The following SLC9A9 variants were observed in gnomAD, a reference collection of about 807,000 sequenced individuals.
SLC9A9 encodes the protein sodium/hydrogen exchanger 9.
SLC9A9 carries 62 observed loss-of-function variants against 77.8 expected under a neutral mutation model. That is an observed-to-expected ratio of 0.80 (90% confidence interval 0.65 to 0.98). SLC9A9 has a LOEUF of 0.98. Among genes scored for constraint, SLC9A9 ranks in the 50% least tolerant of loss-of-function variants. The pLI, the probability that SLC9A9 is intolerant of heterozygous loss-of-function variation, is 0.00. For missense variants in SLC9A9, 775 were observed against 774.9 expected, an observed-to-expected ratio of 1.00 and a Z score of 0.00; for synonymous variants, 320 against 283.5, an observed-to-expected ratio of 1.13 and a Z score of -1.29.
chr3:143,620,806 G>A (rs375786697), intron 6 of SLC9A9, among the ~76,000 whole-genome samples: 3 of 152,320 alleles, frequency 2.0e-5, no homozygotes, highest in South Asian at 4.1e-4. Context: ...GTGAGCTGAA[G>A]CAGGGCGAGG....
At chr3:143,307,645 T>G (rs1161370044) in intron 14 of SLC9A9, among the ~76,000 whole-genome samples, 1 of 152,218 alleles carries the variant, frequency 6.6e-6, no homozygotes, top group Non-Finnish European at 1.5e-5. Flanking sequence ...CTGCAGCCTT[T>G]CTGTTCCCAG....
At chr3:143,786,310 T>A (rs1365268751) in intron 4 of SLC9A9, among the ~76,000 whole-genome samples, 1 of 152,238 alleles carries the variant, frequency 6.6e-6, no homozygotes, top group Non-Finnish European at 1.5e-5. Flanking sequence ...TTTTCTTTTT[T>A]ACCACAACAA....
At chr3:143,839,858 A>C (rs2009663429) in intron 1 of SLC9A9, among the ~76,000 whole-genome samples, 1 of 152,120 alleles carries the variant, frequency 6.6e-6, no homozygotes, top group Non-Finnish European at 1.5e-5. Flanking sequence ...AACACACTTT[A>C]TTTTTTTCTC....
intron 2 of SLC9A9, among the ~76,000 whole-genome samples, chr3:143,813,014 G>A (rs1576745529): frequency 6.6e-6 from 1 of 151,978 alleles, no homozygotes; most frequent in Non-Finnish European, 1.5e-5. Context: ...GTTGCTTTGG[G>A]GAAGACAGGG....
intron 2 of SLC9A9, among the ~76,000 whole-genome samples, chr3:143,821,930 G>A (rs1046454536): frequency 6.6e-6 from 1 of 152,206 alleles, no homozygotes; most frequent in African/African-American, 2.4e-5. Flanking sequence ...GCACTGTGCT[G>A]TGCCACTCTG....
At chr3:143,484,570 G>A (rs2035627335) in intron 11 of SLC9A9, among the ~76,000 whole-genome samples, 1 of 152,210 alleles carries the variant, frequency 6.6e-6, no homozygotes, top group Admixed American at 6.5e-5. Flanking sequence ...AGAAGATCCT[G>A]AGCCTAGGGC....
At chr3:143,631,903 G>A (rs989513798) in intron 6 of SLC9A9, among the ~76,000 whole-genome samples, 1 of 152,160 alleles carries the variant, frequency 6.6e-6, no homozygotes, top group Non-Finnish European at 1.5e-5. Flanking sequence ...TACATAGGCT[G>A]CTCCTGACTA....
At chr3:143,532,964 T>C (rs547153796) in intron 9 of SLC9A9, among the ~76,000 whole-genome samples, 2 of 152,266 alleles carry the variant, frequency 1.3e-5, no homozygotes, top group South Asian at 4.1e-4. Flanking sequence ...TTGGGGTCCT[T>C]TGTTATATAG....
intron 4 of SLC9A9, among the ~76,000 whole-genome samples, chr3:143,710,766 G>C (rs888443969): frequency 3.3e-5 from 5 of 152,168 alleles, no homozygotes; most frequent in Non-Finnish European, 7.4e-5. Flanking sequence ...CTTGTGATTT[G>C]AATATAACTT....
chr3:143,631,232 G>A (rs920240863), intron 6 of SLC9A9, among the ~76,000 whole-genome samples: 2 of 152,074 alleles, frequency 1.3e-5, no homozygotes, highest in African/African-American at 4.8e-5. Context: ...AAACTTAGTA[G>A]GGATTAAAAA....
At chr3:143,795,193 T>C (rs2008344930) in intron 3 of SLC9A9, 116 bp from the exon 4 acceptor site, 4 of 830,548 alleles carry the variant, frequency 4.8e-6, no homozygotes, top group Admixed American at 4.3e-5. Flanking sequence ...CAAATTTTGG[T>C]TTTGGAGCCT....
chr3:143,651,038 A>G (rs927709234), intron 6 of SLC9A9, among the ~76,000 whole-genome samples: 2 of 152,192 alleles, frequency 1.3e-5, no homozygotes, highest in Non-Finnish European at 2.9e-5. Flanking sequence ...GGCCTTTTCC[A>G]ACTTGGCAGC....
At chr3:143,566,276 T>C (rs41503747) in intron 8 of SLC9A9, among the ~76,000 whole-genome samples, 3,048 of 152,236 alleles carry the variant, frequency 0.02, 108 homozygotes, top group African/African-American at 0.07. Flanking sequence ...GCTTTTCCTA[T>C]CATGGCAATG....
chr3:143,734,952 G>A (rs1218359361), intron 4 of SLC9A9, among the ~76,000 whole-genome samples: 1 of 152,086 alleles, frequency 6.6e-6, no homozygotes, highest in Non-Finnish European at 1.5e-5. Context: ...TGTGAATTGT[G>A]TTGTCACCTG....
intron 4 of SLC9A9, among the ~76,000 whole-genome samples, chr3:143,761,733 A>G (rs1005689969): frequency 1.6e-4 from 25 of 152,276 alleles, no homozygotes; most frequent in Middle Eastern, 3.4e-3. Flanking sequence ...ACACTTTTAC[A>G]CTGTTGGTGG....
chr3:143,844,696 A>C (rs947179929), intron 1 of SLC9A9, among the ~76,000 whole-genome samples: 1 of 151,690 alleles, frequency 6.6e-6, no homozygotes. Flanking sequence ...AAATTTTAAA[A>C]GTTTAACTTT....
chr3:143,544,878 C>T (rs193054213), intron 9 of SLC9A9, among the ~76,000 whole-genome samples: 94 of 152,294 alleles, frequency 6.2e-4, no homozygotes, highest in Non-Finnish European at 1.1e-3. Flanking sequence ...TTTCATTCTT[C>T]CGCATGTGGC....
chr3:143,499,320 G>T (rs1379796552), intron 9 of SLC9A9, among the ~76,000 whole-genome samples: 1 of 151,678 alleles, frequency 6.6e-6, no homozygotes, highest in African/African-American at 2.4e-5. Flanking sequence ...AATTATTTTG[G>T]CTTTCTTAAA....
intron 2 of SLC9A9, among the ~76,000 whole-genome samples, chr3:143,826,254 G>C (rs1251878349): frequency 1.5e-5 from 2 of 135,162 alleles, no homozygotes; most frequent in African/African-American, 6.9e-5. Context: ...GCAAGACTCT[G>C]TCTTGAAAAA....
Sources: gnomAD v4.1 joint callset for allele counts (sites outside exome capture counted in the v4.1 genomes callset) on GRCh38, gnomAD v4.1.1 for gene constraint, MANE v1.5 for transcripts, NCBI Gene and HGNC (gene_info 2026-07-23, HGNC 2026-07-21) for gene names.